The following AP3M2 variants were observed in gnomAD, a reference collection of about 807,000 sequenced individuals.
AP3M2 encodes the protein adaptor related protein complex 3 subunit mu 2.
In AP3M2, 28 loss-of-function variants were observed where a neutral mutation model predicts 41.6. The observed-to-expected ratio is 0.67, with a 90% CI of 0.50 to 0.92. AP3M2 has a LOEUF of 0.92. Ranked by LOEUF, AP3M2 falls within the 40% of genes least tolerant of loss-of-function variation. The probability of loss-of-function intolerance (pLI) is 0.00; values close to 1 mark genes in which losing one functional copy is unlikely to be tolerated. For synonymous variants in AP3M2, 193 were observed against 186.4 expected (o/e 1.04, Z -0.29); for missense variants, 427 against 521.4 (o/e 0.82, Z 1.76).
intron 5 of AP3M2, 102 bp downstream of exon 5, chr8:42,165,258 G>A: frequency 2.1e-6 from 3 of 1,443,124 alleles, no homozygotes; most frequent in Non-Finnish European, 2.9e-6. Context: ...AAATAATTAG[G>A]ACAGCCACGA....
intron 3 of AP3M2, among the ~76,000 whole-genome samples, chr8:42,160,357 A>G (rs932094717): frequency 1.3e-5 from 2 of 152,204 alleles, no homozygotes; most frequent in Non-Finnish European, 2.9e-5. Context: ...CCTTGCTTTT[A>G]TAGGAATTTG....
At chr8:42,165,667 T>C (rs1804621431) in intron 6 of AP3M2, 107 bp downstream of exon 6, 3 of 1,386,526 alleles carry the variant, frequency 2.2e-6, no homozygotes, top group Non-Finnish European at 3.0e-6. Flanking sequence ...TGGGTTCACA[T>C]TCCAGCTTCT....
At chr8:42,156,647 GA>G (rs1370580963) in intron 2 of AP3M2, among the ~76,000 whole-genome samples, 1 of 152,114 alleles carries the variant, frequency 6.6e-6, no homozygotes, top group Non-Finnish European at 1.5e-5. Context: ...TCCTCTTAAA[GA>G]GGAAATCTTT....
At chr8:42,164,937 GGA>G (rs760436898) in intron 4 of AP3M2, 132 bp from the exon 5 acceptor site, 16 of 680,374 alleles carry the variant, frequency 2.4e-5, no homozygotes, top group Non-Finnish European at 3.4e-5. Context: ...GGAAAGAAAG[GGA>G]GAGAGAGGAA....
intron 8 of AP3M2, among the ~76,000 whole-genome samples, chr8:42,168,492 A>G (rs935012360): frequency 7.2e-5 from 11 of 152,232 alleles, no homozygotes; most frequent in South Asian, 2.1e-4. Context: ...AAGCTCTTCA[A>G]TCTTAAAACA....
rs553774148 is a variant in AP3M2, at chr8:42,170,523, G to T, written c.*1462G>T. The T allele has an allele frequency of 1.3e-5, 2 of 152,292 alleles. No homozygotes were observed. Among genetic ancestry groups the T allele is most frequent in the African/African-American group, 4.8e-5 (2 of 41,566 alleles). 9.4% of individuals were successfully genotyped at this position (152,292 alleles called of 1,614,324 possible). On this transcript the variant is annotated 3_prime_UTR_variant, in exon 9 of 9. Transcript: ENST00000396926. ...TGTTTATAGCTTAAGGAATGATACT[G>T]TGCTCTGCTTGGTGCATGGAGAAAA...
chr8:42,165,087 T>G lies in AP3M2; in HGVS notation c.600T>G (p.Ala200=). ...CTGTCTCAGGCTCCACAATTACTGC[T>G]GAGATCCAGGGGGTGATTGATGCCT... ...IIDKSGSTIT[A]EIQGVIDACV... Residue 200 remains alanine, a synonymous_variant, in exon 5 of 9, where the codon GCT becomes GCG. Transcript: ENST00000396926. The G allele has an allele frequency of 1.2e-6, 2 of 1,613,376 alleles. No homozygotes were observed. The highest frequency in any genetic ancestry group is 1.7e-6 in the Non-Finnish European group (2 of 1,179,396).
intron 2 of AP3M2, 119 bp downstream of exon 2, chr8:42,155,079 C>A: frequency 1.3e-6 from 1 of 791,788 alleles, no homozygotes; most frequent in Non-Finnish European, 2.0e-6. Context: ...TCTGGTATTA[C>A]TCACTTCCTC....
intron 1 of AP3M2, chr8:42,153,760 C>G (rs910790652): frequency 6.6e-6 from 1 of 152,086 alleles, no homozygotes; most frequent in Non-Finnish European, 1.5e-5. Flanking sequence ...GGAGGCCTCC[C>G]TAAGTACTGG....
chr8:42,161,389 T>A (rs1324731117), intron 3 of AP3M2, among the ~76,000 whole-genome samples: 1 of 152,018 alleles, frequency 6.6e-6, no homozygotes, highest in Non-Finnish European at 1.5e-5. Context: ...GTTGGGTGGA[T>A]CATTAGGTCA....
intron 3 of AP3M2, among the ~76,000 whole-genome samples, chr8:42,161,339 G>A (rs933298620): frequency 7.2e-5 from 11 of 152,258 alleles, no homozygotes; most frequent in African/African-American, 2.4e-4. Flanking sequence ...AGGTGGGCAT[G>A]GTGGCTCACA....
chr8:42,167,865 A>C lies in AP3M2; in HGVS notation c.1156+55A>C, dbSNP rs866128314. Reference sequence around the variant, plus strand: ...AAGGGAACAAAAACGGCTTTCTGCCATATGGCGCAGGCACCAGGAAGCCTT... The same window carrying C: ...AAGGGAACAAAAACGGCTTTCTGCCCTATGGCGCAGGCACCAGGAAGCCTT... On this transcript the variant is annotated intron_variant, in intron 8 of 8. Coordinates refer to ENST00000396926, the MANE Select transcript of AP3M2 (RefSeq NM_006803.4). 3 of 1,562,028 alleles carry C rather than the reference A, an allele frequency of 1.9e-6. No homozygotes were observed. In the East Asian group the frequency reaches 6.8e-5, roughly 35 times the overall value.
chr8:42,162,821 C>T lies in AP3M2; in HGVS notation c.583+403C>T, dbSNP rs138026801. 1.1e-3 allele frequency among the ~76,000 whole-genome samples: 170 copies of T among 151,656 alleles called. 1 individual carries two copies. Among genetic ancestry groups the T allele is most frequent in the African/African-American group, 3.8e-3 (159 of 41,314 alleles). ...ATTACCTGAGCATAGTTGTGCATGC[C>T]TGTATTCCTAACTTTGTGAGGGGCT... On this transcript the variant is annotated intron_variant, in intron 4 of 8. Coordinates refer to ENST00000396926, the MANE Select transcript of AP3M2 (RefSeq NM_006803.4).
Position 42,169,053 on chromosome 8 carries a change from C to G in AP3M2, c.1249C>G (p.Arg417Gly), listed in dbSNP as rs1437840697. 6.2e-7 allele frequency: 1 copy of G among 1,609,498 alleles called. No homozygotes were observed. The highest frequency in any genetic ancestry group is 1.7e-5 in the Admixed American group (1 of 59,370). Reference protein sequence around the residue: ...YMTKAGKFQVRT With the variant: ...YMTKAGKFQVGT ...GACCAAAGCTGGGAAGTTCCAAGTTCGAACCTGAAGGGAGCATTTGCTGAG... is the reference window on the plus strand; with the variant it reads ...GACCAAAGCTGGGAAGTTCCAAGTTGGAACCTGAAGGGAGCATTTGCTGAG... Residue 417 changes from arginine (R) to glycine (G), a missense_variant, in exon 9 of 9, where the codon CGA becomes GGA. By Grantham distance (125) the Arg-to-Gly change is moderately radical. Coordinates refer to ENST00000396926, the MANE Select transcript of AP3M2 (RefSeq NM_006803.4).
At position 42,167,249 on chromosome 8, in the gene AP3M2, C is replaced by A; in HGVS notation, c.889C>A (p.Pro297Thr). ...SLGRFEITVG[P>T]KQTMGKTIEG... ...TGGACGCTTTGAAATAACGGTGGGA[C>A]CCAAGCAGACGATGGGGAAGACCAT... The change falls in exon 7 of 9, where the codon CCC becomes ACC. Residue 297 changes from proline (P) to threonine (T), a missense_variant. Around this residue, in one of 3 missense-constraint regions of AP3M2, gnomAD observed 237 missense variants for 284.9 expected, o/e 0.83. Coordinates refer to ENST00000396926, the MANE Select transcript of AP3M2 (RefSeq NM_006803.4). 1 of 1,614,046 alleles carries A rather than the reference C, an allele frequency of 6.2e-7. No individual in the cohort carries two copies. Among genetic ancestry groups the A allele is most frequent in the Non-Finnish European group, 8.5e-7 (1 of 1,180,012 alleles).
At position 42,169,997 on chromosome 8, in the gene AP3M2, C is replaced by T. The variant is rs1486639436; in HGVS notation, c.*936C>T. The T allele has an allele frequency of 6.6e-6, 1 of 152,148 alleles. No individual in the cohort carries two copies. Among genetic ancestry groups the T allele is most frequent in the Non-Finnish European group, 1.5e-5 (1 of 68,036 alleles). The allele number at this position is 152,148 out of a possible 1,614,324, so 9.4% of individuals were successfully genotyped here. ...TTTCAGAGAAGCCGATCCCATAATC[C>T]CCAGTGCAGCCAGGGTTTGTGTGTC... On this transcript the variant is annotated 3_prime_UTR_variant, in exon 9 of 9. Coordinates refer to ENST00000396926, the MANE Select transcript of AP3M2 (RefSeq NM_006803.4).
intron 4 of AP3M2, among the ~76,000 whole-genome samples, chr8:42,164,658 G>A (rs1485133627): frequency 6.6e-6 from 1 of 152,130 alleles, no homozygotes; most frequent in Non-Finnish European, 1.5e-5. Flanking sequence ...TAAGAGACTG[G>A]GAGTGACCAC....
At chr8:42,157,234 C>A (rs74455090) in intron 2 of AP3M2, among the ~76,000 whole-genome samples, 1 of 152,192 alleles carries the variant, frequency 6.6e-6, no homozygotes, top group Admixed American at 6.5e-5. Flanking sequence ...CTAATTCTTA[C>A]AGCCCTGTAC....
intron 8 of AP3M2, 45 bp downstream of exon 8, chr8:42,167,855 G>A (rs770283471): frequency 1.3e-6 from 2 of 1,570,694 alleles, no homozygotes; most frequent in East Asian, 2.3e-5. Context: ...AACAAAAACG[G>A]CTTTCTGCCA....
Sources: allele counts gnomAD v4.1 joint callset (sites outside exome capture counted in the v4.1 genomes callset), GRCh38; gene constraint gnomAD v4.1.1; regional missense constraint gnomAD v4.1.1; transcripts MANE v1.5; gene names NCBI Gene and HGNC (gene_info 2026-07-23, HGNC 2026-07-21).